The following TNS1 variants were observed in gnomAD, a reference collection of about 807,000 sequenced individuals.
The protein encoded by TNS1 is tensin 1, also known as tensin-1.
In TNS1, 62 loss-of-function variants were observed where a neutral mutation model predicts 168.6. The ratio of observed to expected loss-of-function variants is 0.37; its 90% CI spans 0.30 to 0.45. TNS1 has a LOEUF of 0.45. TNS1 is among the 20% of genes least tolerant of loss of function. The pLI, the probability that TNS1 is intolerant of heterozygous loss-of-function variation, is 1.00. For missense variants in TNS1, 2,240 were observed against 2,339.4 expected, an observed-to-expected ratio of 0.96 and a Z score of 0.88; for synonymous variants, 934 against 933.2, an observed-to-expected ratio of 1.00 and a Z score of -0.02.
chr2:217,886,653 T>C lies in TNS1; in HGVS notation c.867-7A>G, dbSNP rs776088588. The C allele has an allele frequency of 2.5e-6, 4 of 1,571,112 alleles. No individual in the cohort carries two copies. The East Asian group carries it at 6.9e-5, about 27-fold the overall frequency. On this transcript the variant is annotated splice_polypyrimidine_tract_variant and splice_region_variant and intron_variant, in intron 12 of 32. Coordinates refer to ENST00000682258, the MANE Select transcript of TNS1 (RefSeq NM_001387777.1). ...ACTGAAGTAATGCACGTACCTGTAGTGGTGGGAGAAGCAGCTTCAGGGAGT... is the reference window on the plus strand; with the variant it reads ...ACTGAAGTAATGCACGTACCTGTAGCGGTGGGAGAAGCAGCTTCAGGGAGT...
chr2:217,893,581 T>A lies in TNS1; in HGVS notation c.595-20A>T, dbSNP rs1319528122. On this transcript the variant is annotated intron_variant, in intron 9 of 32. Coordinates refer to ENST00000682258, the MANE Select transcript of TNS1 (RefSeq NM_001387777.1). ...CAGTACCTGTGGCCCAAGCCATGAG[T>A]GAGAAGAGGGCAGAAGCCCTGCAGA... 6.3e-7 allele frequency: 1 copy of A among 1,597,606 alleles called. No homozygotes were observed. Among genetic ancestry groups the A allele is most frequent in the African/African-American group, 1.3e-5 (1 of 74,550 alleles).
chr2:217,934,335 C>G (rs954326289), intron 3 of TNS1, among the ~76,000 whole-genome samples: 4 of 152,062 alleles, frequency 2.6e-5, no homozygotes, highest in Non-Finnish European at 5.9e-5. Context: ...GCCGGGACCC[C>G]CAGCTCCTAA....
chr2:217,846,648 T>C (rs983966349), intron 19 of TNS1, among the ~76,000 whole-genome samples: 4 of 152,328 alleles, frequency 2.6e-5, no homozygotes, highest in South Asian at 2.1e-4. Context: ...TCAGCCACCC[T>C]TGTGGAATGG....
intron 3 of TNS1, among the ~76,000 whole-genome samples, chr2:217,947,298 C>A (rs1481553836): frequency 6.6e-6 from 1 of 151,886 alleles, no homozygotes; most frequent in African/African-American, 2.4e-5. Flanking sequence ...GGAGGGAGGG[C>A]AGGAGGCTGA....
At chr2:217,909,738 G>A (rs112872361) in intron 4 of TNS1, among the ~76,000 whole-genome samples, 40 of 152,198 alleles carry the variant, frequency 2.6e-4, no homozygotes, top group African/African-American at 7.7e-4. Flanking sequence ...ACTCCAACTC[G>A]GAATCAGCTT....
intron 4 of TNS1, among the ~76,000 whole-genome samples, chr2:217,913,982 T>C (rs1954716983): frequency 6.6e-6 from 1 of 152,100 alleles, no homozygotes; most frequent in Non-Finnish European, 1.5e-5. Flanking sequence ...ACATTTACAC[T>C]AGATTGCCTG....
At chr2:217,835,316 A>G in intron 20 of TNS1, 150 bp from the exon 21 acceptor site, 1 of 668,120 alleles carries the variant, frequency 1.5e-6, no homozygotes, top group Non-Finnish European at 2.5e-6. Context: ...GGCAGGAGAC[A>G]GGTCCTGCCA....
In TNS1 at chr2:217,895,007, T is replaced by G; in HGVS notation, c.593A>C (p.Lys198Thr). 6 of 1,612,956 alleles carry G rather than the reference T, an allele frequency of 3.7e-6. No individual in the cohort carries two copies. Among genetic ancestry groups the G allele is most frequent in the Non-Finnish European group, 5.1e-6 (6 of 1,179,678 alleles). The change falls in exon 9 of 33, where the codon AAG becomes ACG. Residue 198 changes from lysine to threonine, a missense_variant and splice_region_variant. Physicochemically the swap from Lys to Thr is moderately conservative, Grantham distance 78. This residue lies in a region of TNS1 where 2,131 missense variants were observed against 2,171.2 expected (regional missense o/e 0.98). Coordinates refer to ENST00000682258, the MANE Select transcript of TNS1 (RefSeq NM_001387777.1). ...ACCCCAAAACAGCCCCTGGCTCACCTTGGCATGGAGCTTCGTGATGTCAGG... is the reference window on the plus strand; with the variant it reads ...ACCCCAAAACAGCCCCTGGCTCACCGTGGCATGGAGCTTCGTGATGTCAGG... Reference protein sequence around the residue: ...RRPDITKLHAKVLEFGWPDLH... With the variant: ...RRPDITKLHATVLEFGWPDLH...
At chr2:217,918,083 G>T (rs1327753612) in intron 4 of TNS1, among the ~76,000 whole-genome samples, 1 of 152,172 alleles carries the variant, frequency 6.6e-6, no homozygotes, top group East Asian at 1.9e-4. Context: ...GTCACGTAGG[G>T]CTGCTTGGGC....
At chr2:217,925,176 T>C (rs1428846199) in intron 3 of TNS1, among the ~76,000 whole-genome samples, 1 of 152,256 alleles carries the variant, frequency 6.6e-6, no homozygotes, top group Non-Finnish European at 1.5e-5. Flanking sequence ...TGTTTTTACA[T>C]GTTTCTCAAA....
chr2:217,837,865 G>C (rs1483412447), intron 19 of TNS1, among the ~76,000 whole-genome samples: 1 of 152,230 alleles, frequency 6.6e-6, no homozygotes, highest in Admixed American at 6.5e-5. Context: ...GCGTGGTTTT[G>C]GGAAGGGTGG....
At position 217,897,824 on chromosome 2, in the gene TNS1, T is replaced by C. The variant is rs1485876389; in HGVS notation, c.517A>G (p.Lys173Glu). The C allele has an allele frequency of 6.2e-7, 1 of 1,609,214 alleles. No homozygotes were observed. Among genetic ancestry groups the C allele is most frequent in the Admixed American group, 1.7e-5 (1 of 59,598 alleles). Residue 173 changes from lysine (K) to glutamate (E), a missense_variant, in exon 8 of 33, where the codon AAG (lysine) becomes GAG (glutamate). Lys to Glu is a moderately conservative substitution (Grantham distance 56, BLOSUM62 1). Transcript: ENST00000682258. ...SNLREVAQML[K>E]SKHGGNYLLF... ...AGGTAGTTGCCTCCATGTTTGGACT[T>C]GAGCATCTGCGCCACCTCACGGAGG...
intron 1 of TNS1, among the ~76,000 whole-genome samples, chr2:218,028,005 G>A (rs749195024): frequency 6.6e-6 from 1 of 152,212 alleles, no homozygotes; most frequent in Non-Finnish European, 1.5e-5. Context: ...ACGCTCAGAA[G>A]TTCCTGGGAA....
At chr2:217,994,081 G>A (rs1044184871) in intron 1 of TNS1, among the ~76,000 whole-genome samples, 4 of 152,060 alleles carry the variant, frequency 2.6e-5, no homozygotes. Context: ...GGTAGATCCA[G>A]CCAGCCACCT....
At chr2:217,840,922 G>T (rs533009478) in intron 19 of TNS1, among the ~76,000 whole-genome samples, 13 of 118,280 alleles carry the variant, frequency 1.1e-4, no homozygotes, top group Non-Finnish European at 1.8e-4. Context: ...GTGAGCTCTG[G>T]CTCATGCAGA....
At chr2:218,023,871 A>G (rs990636462) in intron 1 of TNS1, among the ~76,000 whole-genome samples, 2 of 151,684 alleles carry the variant, frequency 1.3e-5, no homozygotes, top group African/African-American at 4.9e-5. Flanking sequence ...CCCAGAGAGA[A>G]GCTTCTGAAA....
chr2:217,880,631 TA>T lies in TNS1; in HGVS notation c.1429+266del, dbSNP rs371963244. Reference sequence around the variant, plus strand: ...CAGAGAACTCACTGTCCACGGAACTTACTTGGCTGTAGCAACACACTTCCAC... The same window carrying T: ...CAGAGAACTCACTGTCCACGGAACTTCTTGGCTGTAGCAACACACTTCCAC... On this transcript the variant is annotated intron_variant, in intron 18 of 32. Transcript: ENST00000682258. This position sits in a 1 kb window ranked among gnomAD's most constrained non-coding sequence, Gnocchi z 4.2. 3.4e-3 allele frequency among the ~76,000 whole-genome samples: 511 copies of T among 152,340 alleles called. No homozygotes were observed. The highest frequency in any genetic ancestry group is 0.011 in the African/African-American group (478 of 41,576).
intron 1 of TNS1, among the ~76,000 whole-genome samples, chr2:218,016,989 A>T (rs1312535868): frequency 6.6e-6 from 1 of 152,194 alleles, no homozygotes; most frequent in Non-Finnish European, 1.5e-5. Flanking sequence ...CTGGCCAGCC[A>T]GGGAAACTGA....
At chr2:217,899,622 C>T (rs1383246179) in intron 7 of TNS1, among the ~76,000 whole-genome samples, 1 of 152,234 alleles carries the variant, frequency 6.6e-6, no homozygotes, top group Non-Finnish European at 1.5e-5. Flanking sequence ...GCAAGAGGGG[C>T]CGTGCTGGTG....
Sources: allele counts gnomAD v4.1 joint callset (sites outside exome capture counted in the v4.1 genomes callset), GRCh38; gene constraint gnomAD v4.1.1; regional missense constraint gnomAD v4.1.1; non-coding constraint Gnocchi (gnomAD v3.1); transcripts MANE v1.5; gene names NCBI Gene and HGNC (gene_info 2026-07-23, HGNC 2026-07-21).